The following CRYBG1 variants were observed in gnomAD, a reference collection of about 807,000 sequenced individuals.
The protein encoded by CRYBG1 is crystallin beta-gamma domain containing 1, also known as beta/gamma crystallin domain-containing protein 1.
In CRYBG1, 139 loss-of-function variants were observed where a neutral mutation model predicts 189.2. The observed-to-expected ratio is 0.73, with a 90% CI of 0.64 to 0.85. The LOEUF is 0.85. CRYBG1 is among the 40% of genes least tolerant of loss of function. CRYBG1 has a pLI of 0.00. For synonymous variants in CRYBG1, 1,023 were observed against 1,017.1 expected (o/e 1.01, Z -0.11); for missense variants, 2,611 against 2,675.8 (o/e 0.98, Z 0.53).
At chr6:106,548,555 C>T (rs923878462) in intron 13 of CRYBG1, among the ~76,000 whole-genome samples, 4 of 152,104 alleles carry the variant, frequency 2.6e-5, no homozygotes, top group Non-Finnish European at 5.9e-5. Context: ...TTCAGCCTCC[C>T]ACCTCACTGT....
chr6:106,473,232 T>G (rs534267882), intron 2 of CRYBG1, among the ~76,000 whole-genome samples: 1 of 152,288 alleles, frequency 6.6e-6, no homozygotes, highest in African/African-American at 2.4e-5. Flanking sequence ...GAATAGAATA[T>G]AAACCACCAC....
intron 1 of CRYBG1, among the ~76,000 whole-genome samples, chr6:106,367,799 CAAAAAAAA>C (rs68107811): frequency 7.3e-6 from 1 of 136,970 alleles, no homozygotes; most frequent in Non-Finnish European, 1.6e-5. Context: ...CCTGCTTATC[CAAAAAAAA>C]AAAAAAAAAA....
chr6:106,561,481 A>T lies in CRYBG1; in HGVS notation c.6119A>T (p.Glu2040Val), dbSNP rs766079239. Residue 2040 changes from glutamate (E) to valine (V), a missense_variant, in exon 20 of 22, where the codon GAA becomes GTA. Glu to Val is a moderately radical substitution (Grantham distance 121). Coordinates refer to ENST00000633556, the MANE Select transcript of CRYBG1 (RefSeq NM_001371242.2). ...GATGATCAGATTTGGATCTATCAAG[A>T]AGGATGTATCAAATGCAGGGTGAGC... The part of the protein sequence containing the change: ...GADDQIWIYQ[E>V]GCIKCRIAED... 3.1e-6 allele frequency: 5 copies of T among 1,613,378 alleles called. No homozygotes were observed. The Admixed American group carries it at 8.3e-5, about 27-fold the overall frequency.
At chr6:106,429,035 G>A (rs991371714) in intron 1 of CRYBG1, among the ~76,000 whole-genome samples, 5 of 152,202 alleles carry the variant, frequency 3.3e-5, no homozygotes, top group Non-Finnish European at 7.3e-5. Context: ...TCTTTATGGA[G>A]ATTTTTACAG....
Position 106,544,702 on chromosome 6 carries a change from G to A in CRYBG1, c.5166+5G>A. On this transcript the variant is annotated splice_donor_5th_base_variant and intron_variant, in intron 12 of 21. Transcript: ENST00000633556. The stretch of plus-strand genomic sequence containing the variant: ...TCTTTACGACCTATATTAGGTGTAA[G>A]TAAAGGACAAGCTAATGGCTAATAC... The A allele has an allele frequency of 6.2e-7, 1 of 1,612,920 alleles. No homozygotes were observed. The highest frequency in any genetic ancestry group is 8.5e-7 in the Non-Finnish European group (1 of 1,179,610).
intron 1 of CRYBG1, among the ~76,000 whole-genome samples, chr6:106,373,988 A>G (rs1023065869): frequency 2.0e-5 from 3 of 152,310 alleles, no homozygotes; most frequent in Admixed American, 6.5e-5. Flanking sequence ...AGTGGTCTTG[A>G]TGTATGGTTT....
chr6:106,470,988 T>C (rs976590004), intron 2 of CRYBG1, among the ~76,000 whole-genome samples: 26 of 152,216 alleles, frequency 1.7e-4, no homozygotes, highest in African/African-American at 6.0e-4. Flanking sequence ...AGTCAATACA[T>C]CATTGAAGAC....
chr6:106,537,759 G>C (rs535218076), intron 8 of CRYBG1, among the ~76,000 whole-genome samples: 1 of 152,144 alleles, frequency 6.6e-6, no homozygotes, highest in Non-Finnish European at 1.5e-5. Flanking sequence ...TCTTCCCCAG[G>C]AACCATCATC....
intron 1 of CRYBG1, among the ~76,000 whole-genome samples, chr6:106,390,263 G>T (rs1033268630): frequency 1.3e-5 from 2 of 152,078 alleles, no homozygotes; most frequent in Non-Finnish European, 2.9e-5. Flanking sequence ...TGGTTTTAGG[G>T]ACTTAGTACC....
At chr6:106,524,981 T>G in intron 4 of CRYBG1, 152 bp from the exon 5 acceptor site, 1 of 742,980 alleles carries the variant, frequency 1.3e-6, no homozygotes. Flanking sequence ...CTCAAAGAGT[T>G]TTAATACAAC....
At chr6:106,370,330 G>A (rs1432251183) in intron 1 of CRYBG1, among the ~76,000 whole-genome samples, 1 of 152,180 alleles carries the variant, frequency 6.6e-6, no homozygotes, top group East Asian at 1.9e-4. Flanking sequence ...ACAGGCAGGA[G>A]AATGCAAGGT....
chr6:106,425,477 C>G (rs1771208016), intron 1 of CRYBG1, among the ~76,000 whole-genome samples: 1 of 152,108 alleles, frequency 6.6e-6, no homozygotes, highest in African/African-American at 2.4e-5. Flanking sequence ...TATCATCATG[C>G]CTTTGCATAC....
At position 106,462,392 on chromosome 6, in the gene CRYBG1, C is replaced by T. The variant is rs191889278; in HGVS notation, c.312+10560C>T. Reference sequence around the variant, plus strand: ...TACGCCGTGGTCTCGATCTCCTGACCTCGTGATCCGCCCACCTCAGCCTCC... The same window carrying T: ...TACGCCGTGGTCTCGATCTCCTGACTTCGTGATCCGCCCACCTCAGCCTCC... On this transcript the variant is annotated intron_variant, in intron 2 of 21. Transcript: ENST00000633556. Among the ~76,000 whole-genome samples the T allele has an allele frequency of 8.7e-4, 133 of 152,348 alleles. No homozygotes were observed. The East Asian group carries it at 0.019, about 21-fold the overall frequency.
intron 1 of CRYBG1, among the ~76,000 whole-genome samples, chr6:106,369,863 G>A (rs1769982415): frequency 6.6e-6 from 1 of 152,156 alleles, no homozygotes; most frequent in Non-Finnish European, 1.5e-5. Context: ...GGAAAAATCA[G>A]GCACAGAGGG....
intron 13 of CRYBG1, 72 bp from the exon 14 acceptor site, chr6:106,551,780 T>G (rs1410570166): frequency 6.7e-7 from 1 of 1,485,118 alleles, no homozygotes; most frequent in Non-Finnish European, 9.3e-7. Context: ...GTATGATACA[T>G]AGATATCCAA....
chr6:106,563,962 G>A (rs1227865916), intron 21 of CRYBG1, 36 bp downstream of exon 21: 3 of 1,567,296 alleles, frequency 1.9e-6, no homozygotes, highest in East Asian at 4.6e-5. Context: ...TTATTGTAAT[G>A]TGTATGTCTT....
intron 4 of CRYBG1, among the ~76,000 whole-genome samples, chr6:106,522,361 C>G (rs548117144): frequency 1.3e-5 from 2 of 151,750 alleles, no homozygotes; most frequent in Admixed American, 6.6e-5. Context: ...TTTTTTTTAC[C>G]CTGCAAAGCT....
In CRYBG1 at chr6:106,412,172, C is replaced by T. The variant is rs575335414; in HGVS notation, c.174-39522C>T. ...GATAGGACAGCTTTTTCAGCACTGG[C>T]ATTTGTGTAGGAAGCCCAGTTTCAC... On this transcript the variant is annotated intron_variant, in intron 1 of 21. Transcript: ENST00000633556. Among the ~76,000 whole-genome samples, 5 of 152,340 alleles carry T rather than the reference C, an allele frequency of 3.3e-5. No homozygotes were observed. In the South Asian group the frequency reaches 1.0e-3, roughly 32 times the overall value.
intron 3 of CRYBG1, among the ~76,000 whole-genome samples, chr6:106,517,945 C>T (rs1229471198): frequency 6.6e-6 from 1 of 152,138 alleles, no homozygotes; most frequent in Non-Finnish European, 1.5e-5. Flanking sequence ...AGAGGGGAGA[C>T]TCTCTTGCCC....
Sources: allele counts gnomAD v4.1 joint callset (sites outside exome capture counted in the v4.1 genomes callset), GRCh38; gene constraint gnomAD v4.1.1; transcripts MANE v1.5; gene names NCBI Gene and HGNC (gene_info 2026-07-23, HGNC 2026-07-21).